GTPBP10: variants seen among roughly 807,000 people sequenced by gnomAD.
The protein encoded by GTPBP10 is GTP binding protein 10, also known as GTP-binding protein 10.
GTPBP10 carries 38 observed loss-of-function variants against 44.8 expected under a neutral mutation model. That is an observed-to-expected ratio of 0.85 (90% CI 0.65 to 1.11). The LOEUF is 1.11. GTPBP10 is among the 50% of genes most tolerant of loss of function. GTPBP10 has a pLI of 0.00. For synonymous variants in GTPBP10, 152 were observed against 150.6 expected (o/e 1.01, Z -0.07); for missense variants, 462 against 453.7 (o/e 1.02, Z -0.17).
At chr7:90,354,899 T>C (rs1340351233) in intron 3 of GTPBP10, among the ~76,000 whole-genome samples, 187 bp from the exon 4 acceptor site, 7 of 152,226 alleles carry the variant, frequency 4.6e-5, no homozygotes, top group Non-Finnish European at 4.4e-5. Flanking sequence ...TTATTAATTA[T>C]AGATTTGTAA....
rs1393620271 is a variant in GTPBP10 at position 90,356,838 on chromosome 7, AT to A, written c.464+1610del. Among the ~76,000 whole-genome samples, 4 of 152,310 alleles carry A rather than the reference AT, an allele frequency of 2.6e-5. No individual in the cohort carries two copies. In the East Asian group the frequency reaches 7.7e-4, roughly 29 times the overall value. ...TAGCTGCTATCTTCATCATCATTAT[AT>A]TGCCAACTTACTGGAAAACTGCATA... On this transcript the variant is annotated intron_variant, in intron 4 of 9. Coordinates refer to ENST00000222511, the MANE Select transcript of GTPBP10 (RefSeq NM_033107.4).
intron 4 of GTPBP10, chr7:90,371,151 C>T (rs960294911): frequency 4.3e-6 from 4 of 932,768 alleles, no homozygotes. Context: ...ATAATACACA[C>T]TTGTTTGCAT....
intron 4 of GTPBP10, among the ~76,000 whole-genome samples, chr7:90,362,870 C>A (rs921032045): frequency 6.6e-6 from 1 of 152,148 alleles, no homozygotes; most frequent in Non-Finnish European, 1.5e-5. Flanking sequence ...TTGAATTGAT[C>A]CCTTTACCAT....
At chr7:90,380,074 CTTTTTTTTTTT>C (rs58735928) in intron 8 of GTPBP10, among the ~76,000 whole-genome samples, 6 of 104,348 alleles carry the variant, frequency 5.7e-5, no homozygotes, top group Admixed American at 4.2e-4. Context: ...AGTCCCTTCT[CTTTTTTTTTTT>C]TTTTTTTTTT....
At chr7:90,368,364 C>A (rs1043448318) in intron 4 of GTPBP10, among the ~76,000 whole-genome samples, 2 of 152,170 alleles carry the variant, frequency 1.3e-5, no homozygotes, top group Non-Finnish European at 2.9e-5. Context: ...TCAATAATAT[C>A]CTGAAGAGTG....
At chr7:90,359,167 T>A (rs1052658527) in intron 4 of GTPBP10, among the ~76,000 whole-genome samples, 2 of 152,120 alleles carry the variant, frequency 1.3e-5, no homozygotes, top group African/African-American at 4.8e-5. Context: ...TTTTTTATTA[T>A]GCTTTAAGTT....
chr7:90,375,360 T>C (rs1796327205), intron 6 of GTPBP10, among the ~76,000 whole-genome samples: 1 of 152,156 alleles, frequency 6.6e-6, no homozygotes, highest in Admixed American at 6.5e-5. Flanking sequence ...GTAGACACAG[T>C]ATACATTTGT....
Position 90,378,245 on chromosome 7 carries a change from G to T in GTPBP10, c.777+34G>T. On this transcript the variant is annotated intron_variant, in intron 8 of 9. Transcript: ENST00000222511. ...TCTGTTTTACTGTGTTCTGTATTTG[G>T]TCTAATACATAGGAATGTAAGACTA... The T allele has an allele frequency of 5.1e-6, 8 of 1,570,270 alleles. No homozygotes were observed. The East Asian group carries it at 1.8e-4, about 35-fold the overall frequency.
Position 90,352,429 on chromosome 7 carries a change from T to C in GTPBP10, c.34-387T>C, listed in dbSNP as rs902484583. 2.0e-5 allele frequency among the ~76,000 whole-genome samples: 3 copies of C among 152,274 alleles called. No individual in the cohort carries two copies. In the East Asian group the frequency reaches 5.8e-4, roughly 29 times the overall value. ...ACACATTCTGCTCACATTTGCTTTA[T>C]ACTATTAAAAGCTTTCATCCTGGTG... is the stretch of plus-strand genomic sequence containing the variant. On this transcript the variant is annotated intron_variant, in intron 1 of 9. Transcript: ENST00000222511.
chr7:90,354,579 A>T, intron 3 of GTPBP10, 30 bp downstream of exon 3: 1 of 1,147,558 alleles, frequency 8.7e-7, no homozygotes, highest in Non-Finnish European at 1.2e-6. Context: ...AAAAGTTGTA[A>T]AAATGTGCAC....
In GTPBP10 at chr7:90,376,277, T is replaced by C. The variant is rs561841124; in HGVS notation, c.592-1230T>C. 1.2e-4 allele frequency among the ~76,000 whole-genome samples: 19 copies of C among 152,126 alleles called. No individual in the cohort carries two copies. The South Asian group carries it at 3.9e-3, about 32-fold the overall frequency. On this transcript the variant is annotated intron_variant, in intron 6 of 9. Coordinates refer to ENST00000222511, the MANE Select transcript of GTPBP10 (RefSeq NM_033107.4). ...ACAAGTGTAAAATGATGGTTAATAA[T>C]GATTATTCCCTCTAAAAGGAGTCTA...
Position 90,385,411 on chromosome 7 carries a change from C to A in GTPBP10, c.*257C>A. 1 of 287,866 alleles carries A rather than the reference C, an allele frequency of 3.5e-6. No individual in the cohort carries two copies. Among genetic ancestry groups the A allele is most frequent in the Admixed American group, 4.8e-5 (1 of 20,850 alleles). The allele number at this position is 287,866 out of a possible 1,614,324, so 17.8% of individuals were successfully genotyped here. On this transcript the variant is annotated 3_prime_UTR_variant, in exon 10 of 10. Coordinates refer to ENST00000222511, the MANE Select transcript of GTPBP10 (RefSeq NM_033107.4). ...TTTACAAAATTTCAGTTAGACAAGG[C>A]AACTGAGTTCAAGAGATCTGTTGTA...
chr7:90,380,646 T>C (rs768607045), intron 8 of GTPBP10, among the ~76,000 whole-genome samples: 1 of 152,258 alleles, frequency 6.6e-6, no homozygotes, highest in Non-Finnish European at 1.5e-5. Context: ...CATACTATTT[T>C]ATGTGTGTTG....
intron 4 of GTPBP10, among the ~76,000 whole-genome samples, chr7:90,367,617 G>GT (rs1294510011): frequency 4.0e-5 from 6 of 151,602 alleles, no homozygotes; most frequent in Admixed American, 2.0e-4. Flanking sequence ...GCCTTTTTTT[G>GT]TTTTCCATTT....
intron 4 of GTPBP10, among the ~76,000 whole-genome samples, chr7:90,365,399 G>A (rs1272192627): frequency 1.8e-5 from 2 of 108,220 alleles, no homozygotes; most frequent in Non-Finnish European, 3.7e-5. Flanking sequence ...TTTTTGAGAC[G>A]GAGTCTCGCT....
intron 4 of GTPBP10, among the ~76,000 whole-genome samples, chr7:90,364,186 A>C (rs570634624): frequency 2.6e-5 from 4 of 152,332 alleles, no homozygotes; most frequent in South Asian, 4.1e-4. Flanking sequence ...GAGGAGCTGC[A>C]TTCCTTTGGA....
intron 4 of GTPBP10, among the ~76,000 whole-genome samples, chr7:90,364,508 G>A (rs1377516316): frequency 6.6e-6 from 1 of 152,136 alleles, no homozygotes; most frequent in Non-Finnish European, 1.5e-5. Flanking sequence ...TCATCTCAGG[G>A]GTACCTGGCT....
At chr7:90,368,905 C>T (rs1796192389) in intron 4 of GTPBP10, among the ~76,000 whole-genome samples, 1 of 152,220 alleles carries the variant, frequency 6.6e-6, no homozygotes, top group South Asian at 2.1e-4. Context: ...CTTTTCTGCT[C>T]TGGTTTCTCC....
intron 5 of GTPBP10, among the ~76,000 whole-genome samples, chr7:90,372,688 A>G (rs1255493540): frequency 1.3e-5 from 2 of 151,822 alleles, no homozygotes; most frequent in Non-Finnish European, 1.5e-5. Context: ...CACTTACTTT[A>G]TTGCATTTAT....
Sources: allele counts gnomAD v4.1 joint callset (sites outside exome capture counted in the v4.1 genomes callset), GRCh38; gene constraint gnomAD v4.1.1; transcripts MANE v1.5; gene names NCBI Gene and HGNC (gene_info 2026-07-23, HGNC 2026-07-21).